Variants in ELAPOR2 observed in about 807,000 individuals in gnomAD.
ELAPOR2 encodes the protein endosome/lysosome-associated apoptosis and autophagy regulator family member 2.
In ELAPOR2, 89 loss-of-function variants were observed where a neutral mutation model predicts 120.7. That is an observed-to-expected ratio of 0.74 (90% CI 0.62 to 0.88). ELAPOR2 has a LOEUF of 0.88. Ranked by LOEUF, ELAPOR2 falls within the 40% of genes least tolerant of loss-of-function variation. The pLI, the probability that ELAPOR2 is intolerant of heterozygous loss-of-function variation, is 0.00. For missense variants in ELAPOR2, 1,134 were observed against 1,251.6 expected (o/e 0.91, Z 1.42); for synonymous variants, 444 against 444.9 (o/e 1.00, Z 0.03).
intron 1 of ELAPOR2, among the ~76,000 whole-genome samples, chr7:87,001,644 C>T (rs554608312): frequency 7.9e-5 from 12 of 152,206 alleles, no homozygotes; most frequent in African/African-American, 2.4e-4. Context: ...CAATGTTGTG[C>T]TATTGGAGCC....
chr7:87,044,002 C>A (rs1158678696), intron 1 of ELAPOR2, among the ~76,000 whole-genome samples: 1 of 147,892 alleles, frequency 6.8e-6, no homozygotes, highest in African/African-American at 2.5e-5. Flanking sequence ...AACTCCCATT[C>A]ACAATTGCTT....
At chr7:86,916,555 C>T (rs915402609) in intron 12 of ELAPOR2, among the ~76,000 whole-genome samples, 2 of 152,138 alleles carry the variant, frequency 1.3e-5, no homozygotes, top group African/African-American at 4.8e-5. Context: ...GAAGTGTATT[C>T]AGAGGCTGTT....
chr7:86,908,339 G>T, intron 17 of ELAPOR2, 108 bp downstream of exon 17: 1 of 618,114 alleles, frequency 1.6e-6, no homozygotes, highest in Admixed American at 3.4e-5. Context: ...ACTCACATCT[G>T]GTATATGATT....
chr7:87,028,320 C>T (rs764996417), intron 1 of ELAPOR2, among the ~76,000 whole-genome samples: 8 of 152,214 alleles, frequency 5.3e-5, no homozygotes, highest in Non-Finnish European at 5.9e-5. Flanking sequence ...CAATATTCCT[C>T]TCACTAGATC....
chr7:87,000,431 T>C (rs528722638), intron 1 of ELAPOR2, among the ~76,000 whole-genome samples: 2 of 152,206 alleles, frequency 1.3e-5, no homozygotes, highest in South Asian at 2.1e-4. Flanking sequence ...CTGCCAGAGA[T>C]GCCTGAAGTT....
At chr7:86,932,710 A>G (rs1790383082) in intron 8 of ELAPOR2, among the ~76,000 whole-genome samples, 1 of 151,896 alleles carries the variant, frequency 6.6e-6, no homozygotes, top group Non-Finnish European at 1.5e-5. Flanking sequence ...TATTCTTTGT[A>G]TTCTTGTGGG....
At position 87,059,587 on chromosome 7, in the gene ELAPOR2, G is replaced by T. The variant is rs1369747278; in HGVS notation, c.-74C>A. On this transcript the variant is annotated 5_prime_UTR_variant, in exon 1 of 22. Coordinates refer to ENST00000450689, the MANE Select transcript of ELAPOR2 (RefSeq NM_001142749.3). Reference sequence around the variant, plus strand: ...GGTGCGGCGGCAGCTCCGGCTCCCGGGCCGCGACTGCTGTGCGCTCGTCTC... The same window carrying T: ...GGTGCGGCGGCAGCTCCGGCTCCCGTGCCGCGACTGCTGTGCGCTCGTCTC... The T allele has an allele frequency of 8.9e-6, 10 of 1,128,660 alleles. No individual in the cohort carries two copies. Among genetic ancestry groups the T allele is most frequent in the Non-Finnish European group, 1.1e-5 (10 of 923,016 alleles). 69.9% of individuals were successfully genotyped at this position (1,128,660 alleles called of 1,614,324 possible). A position where few individuals can be genotyped will look rare whatever the true frequency, so the allele number is the denominator to read the frequency against.
intron 1 of ELAPOR2, among the ~76,000 whole-genome samples, chr7:86,990,354 GAATGGATT>G (rs71117532): frequency 0.38 from 57,030 of 151,392 alleles, 11,498 homozygotes; most frequent in African/African-American, 0.53. Context: ...CTGCGCTTAT[GAATGGATT>G]AATGGGTTAT....
intron 1 of ELAPOR2, among the ~76,000 whole-genome samples, chr7:87,046,789 C>T (rs1794970300): frequency 6.6e-6 from 1 of 152,172 alleles, no homozygotes; most frequent in African/African-American, 2.4e-5. Flanking sequence ...CCTCTGCAGC[C>T]ATGTGGAGCT....
At chr7:87,011,451 G>A (rs980217840) in intron 1 of ELAPOR2, among the ~76,000 whole-genome samples, 24 of 151,948 alleles carry the variant, frequency 1.6e-4, no homozygotes, top group Admixed American at 7.9e-4. Flanking sequence ...GGTAATATTC[G>A]GTTCTTATTG....
chr7:86,964,332 T>G (rs2116479930), intron 2 of ELAPOR2, among the ~76,000 whole-genome samples: 1 of 152,332 alleles, frequency 6.6e-6, no homozygotes, highest in Non-Finnish European at 1.5e-5. Context: ...CTCTGTTATT[T>G]TATAATGTTG....
At chr7:87,051,034 C>T (rs570487035) in intron 1 of ELAPOR2, among the ~76,000 whole-genome samples, 3 of 152,226 alleles carry the variant, frequency 2.0e-5, no homozygotes, top group African/African-American at 7.2e-5. Context: ...AGTGGTGACA[C>T]CAAGGCTATG....
chr7:86,911,665 G>A (rs1334154041), intron 15 of ELAPOR2: 1 of 457,648 alleles, frequency 2.2e-6, no homozygotes, highest in African/African-American at 2.0e-5. Context: ...TTTTTATTTT[G>A]GACAAGCTTC....
chr7:87,032,557 G>A (rs1246947507), intron 1 of ELAPOR2, among the ~76,000 whole-genome samples: 1 of 152,110 alleles, frequency 6.6e-6, no homozygotes, highest in Non-Finnish European at 1.5e-5. Context: ...GATGACATCA[G>A]ACTAACAAAT....
chr7:86,938,068 C>G lies in ELAPOR2; in HGVS notation c.1089+58G>C, dbSNP rs975324110. Reference sequence around the variant, plus strand: ...TCTCACGAACAAATTAGAGTCTGCTCAAATTGGAAAGAAGGTTGCAAAAAT... The same window carrying G: ...TCTCACGAACAAATTAGAGTCTGCTGAAATTGGAAAGAAGGTTGCAAAAAT... On this transcript the variant is annotated intron_variant, in intron 8 of 21. Transcript: ENST00000450689. The G allele has an allele frequency of 3.7e-5, 47 of 1,280,478 alleles. 1 individual carries two copies. Among genetic ancestry groups the G allele is most frequent in the Non-Finnish European group, 4.3e-5 (39 of 903,624 alleles). The allele number at this position is 1,280,478 out of a possible 1,614,324, so 79.3% of individuals were successfully genotyped here. A position where few individuals can be genotyped will look rare whatever the true frequency, so the allele number is the denominator to read the frequency against.
At chr7:87,013,357 G>A (rs1323748722) in intron 1 of ELAPOR2, among the ~76,000 whole-genome samples, 1 of 152,174 alleles carries the variant, frequency 6.6e-6, no homozygotes, top group Non-Finnish European at 1.5e-5. Flanking sequence ...TAAAGACAAT[G>A]TATTCAAGTC....
intron 1 of ELAPOR2, among the ~76,000 whole-genome samples, chr7:87,034,003 C>T (rs1413496071): frequency 6.6e-6 from 1 of 152,040 alleles, no homozygotes; most frequent in African/African-American, 2.4e-5. Context: ...AGAGACATAT[C>T]AAGTACTTAA....
chr7:87,033,295 C>T (rs949923114), intron 1 of ELAPOR2, among the ~76,000 whole-genome samples: 1 of 152,168 alleles, frequency 6.6e-6, no homozygotes, highest in Non-Finnish European at 1.5e-5. Context: ...GTGTTTCACA[C>T]ATTAACTACT....
intron 1 of ELAPOR2, among the ~76,000 whole-genome samples, chr7:86,985,018 A>G (rs1451518537): frequency 6.6e-6 from 1 of 152,214 alleles, no homozygotes; most frequent in Non-Finnish European, 1.5e-5. Flanking sequence ...CACCAATCCC[A>G]CAGAAATACA....
Sources: gnomAD v4.1 joint callset for allele counts (sites outside exome capture counted in the v4.1 genomes callset) on GRCh38, gnomAD v4.1.1 for gene constraint, MANE v1.5 for transcripts, NCBI Gene and HGNC (gene_info 2026-07-23, HGNC 2026-07-21) for gene names.